ATP10A: variants seen among roughly 807,000 people sequenced by gnomAD.
ATP10A encodes ATPase phospholipid transporting 10A (putative).
A neutral mutation model predicts 147.8 loss-of-function variants in ATP10A; 111 were observed. The observed-to-expected ratio is 0.75, with a 90% confidence interval of 0.64 to 0.88. ATP10A has a LOEUF of 0.88. ATP10A is among the 40% of genes least tolerant of loss of function. ATP10A has a pLI of 0.00. For synonymous variants in ATP10A, 875 were observed against 841.6 expected, an observed-to-expected ratio of 1.04 and a Z score of -0.69; for missense variants, 1,927 against 1,959.0, an observed-to-expected ratio of 0.98 and a Z score of 0.31.
In ATP10A at chr15:25,862,932, A is replaced by G; in HGVS notation, c.165T>C (p.Cys55=). 6.3e-7 allele frequency: 1 copy of G among 1,583,894 alleles called. No homozygotes were observed. Among genetic ancestry groups the G allele is most frequent in the Non-Finnish European group, 8.6e-7 (1 of 1,168,588 alleles). The part of the protein sequence containing the change: ...AKGERRRRRG[C]AQHLADNRLK... ...GCCGGTTGTCGGCCAGGTGCTGGGCACACCCGCGCCGCCGTCGCCGCTCGC... is the reference window on the plus strand; with the variant it reads ...GCCGGTTGTCGGCCAGGTGCTGGGCGCACCCGCGCCGCCGTCGCCGCTCGC... Residue 55 remains cysteine (C), a synonymous_variant, in exon 1 of 21, where the codon TGT becomes TGC. Transcript: ENST00000555815.
intron 1 of ATP10A, among the ~76,000 whole-genome samples, chr15:25,850,657 G>A (rs540511027): frequency 4.5e-4 from 10 of 22,242 alleles, no homozygotes; most frequent in South Asian, 2.4e-3. Flanking sequence ...CCCCAGCCCC[G>A]GTGACTCACT....
intron 2 of ATP10A, among the ~76,000 whole-genome samples, chr15:25,779,853 C>A (rs1373372040): frequency 1.3e-5 from 1 of 78,204 alleles, no homozygotes; most frequent in South Asian, 6.9e-4. Flanking sequence ...AAAACACACA[C>A]ACACACACAC....
intron 1 of ATP10A, among the ~76,000 whole-genome samples, chr15:25,839,394 G>C (rs1033493736): frequency 6.6e-6 from 1 of 152,050 alleles, no homozygotes; most frequent in Non-Finnish European, 1.5e-5. Flanking sequence ...GGCCAGGTCT[G>C]GGGGAAAAAA....
intron 1 of ATP10A, among the ~76,000 whole-genome samples, chr15:25,809,002 T>G (rs8041571): frequency 0.16 from 24,477 of 151,962 alleles, 2,061 homozygotes; most frequent in Middle Eastern, 0.23. Context: ...GTGGGGCATG[T>G]GGAGAAGCCA....
At chr15:25,850,775 A>G (rs1196149425) in intron 1 of ATP10A, among the ~76,000 whole-genome samples, 1 of 152,052 alleles carries the variant, frequency 6.6e-6, no homozygotes, top group Non-Finnish European at 1.5e-5. Flanking sequence ...ACATCTGAAC[A>G]AAGGATGGAA....
intron 1 of ATP10A, among the ~76,000 whole-genome samples, chr15:25,815,705 C>T (rs1222154421): frequency 7.4e-6 from 1 of 135,290 alleles, no homozygotes; most frequent in Non-Finnish European, 1.6e-5. Flanking sequence ...ATTTTCTGCA[C>T]ATGTGAAAAA....
intron 13 of ATP10A, among the ~76,000 whole-genome samples, chr15:25,699,515 T>C (rs1052749759): frequency 6.6e-6 from 1 of 152,112 alleles, no homozygotes; most frequent in African/African-American, 2.4e-5. Context: ...GGAGAAAATA[T>C]TCATAATTAG....
At chr15:25,829,600 T>C (rs1174342349) in intron 1 of ATP10A, among the ~76,000 whole-genome samples, 1 of 152,066 alleles carries the variant, frequency 6.6e-6, no homozygotes, top group Non-Finnish European at 1.5e-5. Context: ...TGGGTCAGAC[T>C]GTAGTAAGAT....
In ATP10A at chr15:25,803,595, A is replaced by G. The variant is rs550492091; in HGVS notation, c.450-22372T>C. 9.9e-5 allele frequency among the ~76,000 whole-genome samples: 15 copies of G among 152,172 alleles called. No homozygotes were observed. The East Asian group carries it at 2.5e-3, about 26-fold the overall frequency. ...GCCTCAAGTGGGCCAGTCCTGTCCT[A>G]CTCCCAAGTATCCATCACTAACACT... On this transcript the variant is annotated intron_variant, in intron 1 of 20. Transcript: ENST00000555815.
Position 25,735,710 on chromosome 15 carries a change from G to A in ATP10A, c.740+346C>T, listed in dbSNP as rs541498412. 2.6e-5 allele frequency among the ~76,000 whole-genome samples: 4 copies of A among 152,182 alleles called. No individual in the cohort carries two copies. In the South Asian group the frequency reaches 8.3e-4, roughly 32 times the overall value. On this transcript the variant is annotated intron_variant, in intron 3 of 20. Coordinates refer to ENST00000555815, the MANE Select transcript of ATP10A (RefSeq NM_024490.4). ...AGCATATATCCATGAAACTCCACCC[G>A]GCCTACTCCTGCTTCCACGTTAACG...
rs1887161674 is a variant in ATP10A, at chr15:25,734,721, G to GCCC, written c.740+1334_740+1335insGGG. Among the ~76,000 whole-genome samples, 6 of 152,312 alleles carry GCCC rather than the reference G, an allele frequency of 3.9e-5. No individual in the cohort carries two copies. The South Asian group carries it at 1.2e-3, about 32-fold the overall frequency. On this transcript the variant is annotated intron_variant, in intron 3 of 20. Transcript: ENST00000555815. Reference sequence around the variant, plus strand: ...GCTTTAATTGGCTTATTTAAGGGGTGATTTAATGCTATCGGTGTCTGATTC... The same window carrying GCCC: ...GCTTTAATTGGCTTATTTAAGGGGTGCCCATTTAATGCTATCGGTGTCTGATTC...
At chr15:25,792,303 T>C (rs1019638110) in intron 1 of ATP10A, among the ~76,000 whole-genome samples, 2 of 152,210 alleles carry the variant, frequency 1.3e-5, no homozygotes, top group African/African-American at 4.8e-5. Flanking sequence ...CAAAGGTACC[T>C]GCTCAGGGTG....
chr15:25,673,562 G>A (rs554851254), downstream of ATP10A, among the ~76,000 whole-genome samples: 1 of 152,304 alleles, frequency 6.6e-6, no homozygotes, highest in South Asian at 2.1e-4. Flanking sequence ...GGGGGACGAC[G>A]TTGCCCTTCC....
At position 25,777,094 on chromosome 15, in the gene ATP10A, T is replaced by TGC. The variant is rs1194071408; in HGVS notation, c.654+3923_654+3924dup. 3.1e-5 allele frequency among the ~76,000 whole-genome samples: 4 copies of TGC among 127,858 alleles called. No individual in the cohort carries two copies. In the East Asian group the frequency reaches 1.1e-3, roughly 36 times the overall value. 83.9% of individuals were successfully genotyped at this position (127,858 alleles called of 152,430 possible). On this transcript the variant is annotated intron_variant, in intron 2 of 20. Transcript: ENST00000555815. ...GTGTGCATGCGTGTGTGTGCATACG[T>TGC]GCGTGTGTGTGTGTGTGTGTGTGTA... is the stretch of plus-strand genomic sequence containing the variant.
intron 2 of ATP10A, among the ~76,000 whole-genome samples, chr15:25,773,022 C>G (rs1385160939): frequency 6.6e-6 from 1 of 152,168 alleles, no homozygotes; most frequent in Non-Finnish European, 1.5e-5. Flanking sequence ...AATTTCGACA[C>G]TAAACCCAAC....
chr15:25,862,012 C>T, intron 1 of ATP10A: 1 of 335,192 alleles, frequency 3.0e-6, no homozygotes, highest in East Asian at 8.9e-5. Context: ...ACCCCACAGC[C>T]TCTTTCCCCC....
chr15:25,814,751 G>A (rs1474765896), intron 1 of ATP10A, among the ~76,000 whole-genome samples: 1 of 152,108 alleles, frequency 6.6e-6, no homozygotes, highest in Non-Finnish European at 1.5e-5. Flanking sequence ...CCTTGGAACC[G>A]TTCTGTCTCA....
chr15:25,768,239 G>A (rs1239170811), intron 2 of ATP10A, among the ~76,000 whole-genome samples: 3 of 152,222 alleles, frequency 2.0e-5, no homozygotes, highest in African/African-American at 4.8e-5. Flanking sequence ...CCAGAGCTGT[G>A]GGCTGGTGAG....
chr15:25,802,355 C>T (rs1890976321), intron 1 of ATP10A, among the ~76,000 whole-genome samples: 1 of 152,176 alleles, frequency 6.6e-6, no homozygotes, highest in South Asian at 2.1e-4. Flanking sequence ...TGATAAACGT[C>T]CAGCAGGTTC....
Sources: gnomAD v4.1 joint callset for allele counts (sites outside exome capture counted in the v4.1 genomes callset) on GRCh38, gnomAD v4.1.1 for gene constraint, MANE v1.5 for transcripts, NCBI Gene and HGNC (gene_info 2026-07-23, HGNC 2026-07-21) for gene names.